Variants in CDON observed in about 807,000 individuals in gnomAD.
The protein encoded by CDON is cell adhesion molecule-related/down-regulated by oncogenes.
A neutral mutation model predicts 120.9 loss-of-function variants in CDON; 73 were observed. The ratio of observed to expected loss-of-function variants is 0.60; its 90% CI spans 0.50 to 0.73. The LOEUF (loss-of-function observed/expected upper bound fraction) is 0.73. CDON is among the 30% of genes least tolerant of loss of function. The pLI is 0.00. For synonymous variants in CDON, 566 were observed against 573.5 expected (o/e 0.99, Z 0.19); for missense variants, 1,470 against 1,587.3 (o/e 0.93, Z 1.26).
chr11:126,029,385 C>T (rs760214182), intron 1 of CDON, among the ~76,000 whole-genome samples: 127 of 152,268 alleles, frequency 8.3e-4, no homozygotes, highest in Middle Eastern at 6.8e-3. Context: ...TAAGGAGTTA[C>T]TGTCATTACA....
rs191544852 is a variant in CDON at position 126,010,630 on chromosome 11, A to G, written c.1263T>C (p.Phe421=). 139 of 1,614,188 alleles carry G rather than the reference A, an allele frequency of 8.6e-5. No individual in the cohort carries two copies. The African/African-American group carries it at 1.7e-3, about 19-fold the overall frequency. The change falls in exon 8 of 20, where the codon TTT becomes TTC. Residue 421 remains phenylalanine (F), a synonymous_variant. Transcript: ENST00000531738. ...PVSAKVADGD[F]VTLSCNASGL... The stretch of plus-strand genomic sequence containing the variant: ...CACTGGCATTGCAGGACAGAGTAAC[A>G]AAGTCTCCGTCTGCAACCTTTGCAC...
At chr11:126,045,769 G>A (rs1644477680) in intron 1 of CDON, among the ~76,000 whole-genome samples, 1 of 152,134 alleles carries the variant, frequency 6.6e-6, no homozygotes, top group Non-Finnish European at 1.5e-5. Context: ...CTGGGAGTTT[G>A]AGACCAGCCT....
Position 126,000,920 on chromosome 11 carries a change from T to A in CDON, c.2158+799A>T, listed in dbSNP as rs571189725. On this transcript the variant is annotated intron_variant, in intron 11 of 19. Coordinates refer to ENST00000531738, the MANE Select transcript of CDON (RefSeq NM_001378964.1). Reference sequence around the variant, plus strand: ...TTAGGACAATCACAAAAAGCACACCTGGCTATAAGTGTAGTGCTCATATAA... The same window carrying A: ...TTAGGACAATCACAAAAAGCACACCAGGCTATAAGTGTAGTGCTCATATAA... 1.8e-4 allele frequency among the ~76,000 whole-genome samples: 27 copies of A among 152,304 alleles called. No individual in the cohort carries two copies. In the South Asian group the frequency reaches 5.4e-3, roughly 30 times the overall value.
At chr11:126,037,005 T>C (rs1301280930) in intron 1 of CDON, among the ~76,000 whole-genome samples, 1 of 152,152 alleles carries the variant, frequency 6.6e-6, no homozygotes, top group Non-Finnish European at 1.5e-5. Context: ...CTTTATTCTT[T>C]ATATAACATC....
chr11:125,974,382 A>AGGGAGGG (rs1946092578), intron 18 of CDON, among the ~76,000 whole-genome samples: 1 of 34,636 alleles, frequency 2.9e-5, no homozygotes, highest in African/African-American at 1.3e-4. Flanking sequence ...GGAAGGAAGG[A>AGGGAGGG]AGGAAGGAAG....
chr11:126,044,363 C>G (rs1948348126), intron 1 of CDON, among the ~76,000 whole-genome samples: 1 of 152,128 alleles, frequency 6.6e-6, no homozygotes, highest in Non-Finnish European at 1.5e-5. Context: ...ACGGTAAGAT[C>G]TAGCAATGAC....
chr11:125,986,073 C>T (rs567897962), intron 15 of CDON, among the ~76,000 whole-genome samples: 1 of 152,278 alleles, frequency 6.6e-6, no homozygotes, highest in Non-Finnish European at 1.5e-5. Context: ...ACCCAAATGT[C>T]CACTAATGAT....
At chr11:126,002,477 C>T (rs1403809776) in intron 10 of CDON, among the ~76,000 whole-genome samples, 6 of 152,150 alleles carry the variant, frequency 3.9e-5, no homozygotes, top group Non-Finnish European at 5.9e-5. Context: ...AATCTTCATA[C>T]CTCCTTTTCG....
rs764920509 is a variant in CDON at position 126,021,418 on chromosome 11, G to A, written c.179C>T (p.Ser60Leu). The change falls in exon 3 of 20, where the codon TCA becomes TTA. Residue 60 changes from serine to leucine, a missense_variant. Ser to Leu is a moderately radical substitution (Grantham distance 145). Transcript: ENST00000531738. ...CSAQPVTTRI[S>L]WLHNGKTLDG... ...CAATGTTTTTCCGTTATGCAGCCATGAGATACGAGTGGTCACAGGTTGAGC... is the reference window on the plus strand; with the variant it reads ...CAATGTTTTTCCGTTATGCAGCCATAAGATACGAGTGGTCACAGGTTGAGC... 39 of 1,613,990 alleles carry A rather than the reference G, an allele frequency of 2.4e-5. No individual in the cohort carries two copies. The South Asian group carries it at 4.3e-4, about 18-fold the overall frequency.
chr11:126,050,699 G>A (rs1281108342), intron 1 of CDON, among the ~76,000 whole-genome samples: 4 of 152,044 alleles, frequency 2.6e-5, no homozygotes, highest in Non-Finnish European at 4.4e-5. Flanking sequence ...TCCTCAGCAG[G>A]GGACCAAGGA....
At chr11:125,968,308 C>T (rs1945863060) in intron 18 of CDON, among the ~76,000 whole-genome samples, 1 of 152,124 alleles carries the variant, frequency 6.6e-6, no homozygotes, top group Non-Finnish European at 1.5e-5. Flanking sequence ...TTTTTCTGCT[C>T]TTGTCTTTAA....
intron 18 of CDON, among the ~76,000 whole-genome samples, chr11:125,971,475 C>T (rs940938585): frequency 6.6e-6 from 1 of 152,080 alleles, no homozygotes; most frequent in Non-Finnish European, 1.5e-5. Flanking sequence ...CATCTGACAT[C>T]CACGGAGGGT....
At chr11:125,980,957 C>T (rs1303518085) in intron 17 of CDON, 92 bp downstream of exon 17, 1 of 1,317,570 alleles carries the variant, frequency 7.6e-7, no homozygotes, top group African/African-American at 1.5e-5. Context: ...TGTGAGGTTT[C>T]TATACTGAAC....
In CDON at chr11:126,015,478, G is replaced by C; in HGVS notation, c.961C>G (p.Gln321Glu). 6.2e-7 allele frequency: 1 copy of C among 1,613,976 alleles called. No individual in the cohort carries two copies. Among genetic ancestry groups the C allele is most frequent in the Non-Finnish European group, 8.5e-7 (1 of 1,179,900 alleles). ...ACTGTGGCACCCAGAGACACTATCT[G>C]ATCCTGTAGTCCTTTAGAAATGGAA... is the stretch of plus-strand genomic sequence containing the variant. ...HASISKGLQD[Q>E]IVSLGATVHF... The change falls in exon 7 of 20, where the codon CAG becomes GAG. Residue 321 changes from glutamine (Q) to glutamate (E), a missense_variant. Coordinates refer to ENST00000531738, the MANE Select transcript of CDON (RefSeq NM_001378964.1).
intron 10 of CDON, 24 bp from the exon 11 acceptor site, chr11:126,001,874 C>T (rs1210365014): frequency 6.5e-7 from 1 of 1,543,524 alleles, no homozygotes; most frequent in South Asian, 1.1e-5. Context: ...TAAACATATA[C>T]AGTAACATAA....
chr11:126,038,658 A>T (rs1489598127), intron 1 of CDON, among the ~76,000 whole-genome samples: 1 of 142,196 alleles, frequency 7.0e-6, no homozygotes, highest in Non-Finnish European at 1.5e-5. Context: ...GTCTCAAAAT[A>T]AAAAAAAAAA....
intron 11 of CDON, among the ~76,000 whole-genome samples, chr11:126,000,278 G>GC (rs1946905014): frequency 6.6e-6 from 1 of 152,146 alleles, no homozygotes; most frequent in African/African-American, 2.4e-5. Context: ...AACAATCATA[G>GC]CTCACTGCAG....
intron 1 of CDON, among the ~76,000 whole-genome samples, chr11:126,061,448 G>A (rs986429799): frequency 1.3e-5 from 2 of 152,248 alleles, no homozygotes; most frequent in African/African-American, 4.8e-5. Flanking sequence ...AATAGACTGA[G>A]GGTGGGGGAG....
chr11:126,012,957 G>T (rs1453312583), intron 7 of CDON, among the ~76,000 whole-genome samples: 1 of 152,086 alleles, frequency 6.6e-6, no homozygotes, highest in Non-Finnish European at 1.5e-5. Flanking sequence ...ATTTTCAAAG[G>T]GAGTGCTTCT....
Sources: gnomAD v4.1 joint callset for allele counts (sites outside exome capture counted in the v4.1 genomes callset) on GRCh38, gnomAD v4.1.1 for gene constraint, MANE v1.5 for transcripts, NCBI Gene and HGNC (gene_info 2026-07-23, HGNC 2026-07-21) for gene names.